The following CSTL1 variants were observed in gnomAD, a reference collection of about 807,000 sequenced individuals.
CSTL1 encodes cystatin-like 1.
In CSTL1, 14 loss-of-function variants were observed where a neutral mutation model predicts 14.4. That is an observed-to-expected ratio of 0.97 (90% CI 0.64 to 1.52). CSTL1 has a LOEUF of 1.52. Ranked by LOEUF, CSTL1 falls within the 40% of genes most tolerant of loss-of-function variation. CSTL1 has a pLI of 0.00. For missense variants in CSTL1, 170 were observed against 168.7 expected (o/e 1.01, Z -0.04); for synonymous variants, 72 against 67.5 (o/e 1.07, Z -0.33).
chr20:23,449,389 CGTGTGTATGTGTGT>C (rs577983455), downstream of CSTL1, among the ~76,000 whole-genome samples: 11 of 151,882 alleles, frequency 7.2e-5, no homozygotes, highest in Non-Finnish European at 1.5e-4. Flanking sequence ...GCTGTAATGC[CGTGTGTATGTGTGT>C]GTGTGTATGT....
chr20:23,457,721 C>T, the CSTL1 span: 1 of 152,174 alleles, frequency 6.6e-6, no homozygotes, highest in East Asian at 1.9e-4. Context: ...TCTACAGTCT[C>T]AGTTACTAAC....
chr20:23,450,522 C>G, the CSTL1 span: 1 of 1,611,790 alleles, frequency 6.2e-7, no homozygotes, highest in Non-Finnish European at 8.5e-7. Context: ...ACTGCTGCAG[C>G]TTTTGTTCAA....
At position 23,443,088 on chromosome 20, in the gene CSTL1, C is replaced by T. The variant is rs1367461050; in HGVS notation, c.220-846C>T. On this transcript the variant is annotated intron_variant, in intron 2 of 3. Transcript: ENST00000347397. ...CATGGCTCGTGTACCCACCATGCCT[C>T]CTTCCTTCATTTCTGTACACGCTAG... Among the ~76,000 whole-genome samples, 6 of 152,298 alleles carry T rather than the reference C, an allele frequency of 3.9e-5. No homozygotes were observed. In the East Asian group the frequency reaches 5.8e-4, roughly 15 times the overall value.
chr20:23,447,443 A>G (rs768698403), downstream of CSTL1, among the ~76,000 whole-genome samples: 60 of 149,944 alleles, frequency 4.0e-4, no homozygotes, highest in Non-Finnish European at 6.1e-4. Flanking sequence ...GACACATTAC[A>G]TGTACTTCTT....
chr20:23,446,659 G>C (rs1050634221), downstream of CSTL1, among the ~76,000 whole-genome samples: 1 of 152,168 alleles, frequency 6.6e-6, no homozygotes, highest in Non-Finnish European at 1.5e-5. Flanking sequence ...GCTTAAATAA[G>C]ACCTGTGTTT....
At chr20:23,447,247 T>C (rs1451147601), downstream of CSTL1, among the ~76,000 whole-genome samples, 6 of 152,252 alleles carry the variant, frequency 3.9e-5, no homozygotes, top group African/African-American at 1.4e-4. Flanking sequence ...CTTTTGTTTC[T>C]GGCTTCTTGA....
chr20:23,440,910 C>A, intron 2 of CSTL1: 1 of 275,800 alleles, frequency 3.6e-6, no homozygotes, highest in Non-Finnish European at 7.1e-6. Flanking sequence ...GTACGTACCA[C>A]CACACCTGGC....
chr20:23,440,378 CAAG>C lies in CSTL1; in HGVS notation c.117_119del (p.Lys39del), dbSNP rs1170328002. On this transcript the variant is annotated inframe_deletion, in exon 2 of 4. Coordinates refer to ENST00000347397, the MANE Select transcript of CSTL1 (RefSeq NM_138283.1). ...AGGGCTTCCAGCAGAAGCTCATGAG[CAAG>C]AAGAACATGAATTCAACACTCAACT... is the stretch of plus-strand genomic sequence containing the variant. 1.9e-6 allele frequency: 3 copies of C among 1,614,050 alleles called. No homozygotes were observed. Among genetic ancestry groups the C allele is most frequent in the Non-Finnish European group, 2.5e-6 (3 of 1,180,016 alleles).
downstream of CSTL1, among the ~76,000 whole-genome samples, chr20:23,448,982 G>A (rs1320960182): frequency 6.6e-6 from 1 of 152,202 alleles, no homozygotes; most frequent in Admixed American, 6.5e-5. Flanking sequence ...TTGGCGGAGG[G>A]AAACCCCACC....
intron 1 of CSTL1, among the ~76,000 whole-genome samples, 160 bp from the exon 2 acceptor site, chr20:23,439,984 T>C (rs1986786009): frequency 6.6e-6 from 1 of 152,146 alleles, no homozygotes; most frequent in African/African-American, 2.4e-5. Context: ...CCCTGAGACA[T>C]GTGAAGGCAG....
chr20:23,449,437 T>C (rs1987030358), downstream of CSTL1, among the ~76,000 whole-genome samples: 2 of 152,148 alleles, frequency 1.3e-5, no homozygotes, highest in Admixed American at 1.3e-4. Context: ...TGTGTGTGTT[T>C]GCTATGGTGT....
At chr20:23,451,257 G>A in the CSTL1 span, among the ~76,000 whole-genome samples, 1 of 151,674 alleles carries the variant, frequency 6.6e-6, no homozygotes, top group Non-Finnish European at 1.5e-5. Context: ...TGCCAGGTGG[G>A]ATGAAGGCCT....
intron 3 of CSTL1, 103 bp from the exon 4 acceptor site, chr20:23,444,668 G>A (rs1051007786): frequency 1.4e-6 from 1 of 718,332 alleles, no homozygotes; most frequent in South Asian, 1.6e-5. Flanking sequence ...CTCTGCCCAT[G>A]GGGTTCATGA....
rs1436067007 is a variant in CSTL1 at position 23,440,217 on chromosome 20, C to A, written c.-51C>A. 17 of 1,592,030 alleles carry A rather than the reference C, an allele frequency of 1.1e-5. No homozygotes were observed. Among genetic ancestry groups the A allele is most frequent in the Non-Finnish European group, 1.4e-5 (16 of 1,162,186 alleles). ...GAATGAGTGAACTGCAGCCTGGCACCACCACACCCTGGAAGGTGCAGTTGG... is the reference window on the plus strand; with the variant it reads ...GAATGAGTGAACTGCAGCCTGGCACAACCACACCCTGGAAGGTGCAGTTGG... On this transcript the variant is annotated 5_prime_UTR_variant, in exon 2 of 4. Coordinates refer to ENST00000347397, the MANE Select transcript of CSTL1 (RefSeq NM_138283.1).
At chr20:23,457,437 A>G in the CSTL1 span, 2 of 152,176 alleles carry the variant, frequency 1.3e-5, no homozygotes, top group African/African-American at 4.8e-5. Flanking sequence ...TCCTAATAAA[A>G]AATTCCATTT....
intron 2 of CSTL1, chr20:23,442,349 C>T (rs1986854643): frequency 6.6e-6 from 1 of 152,276 alleles, no homozygotes; most frequent in Non-Finnish European, 1.5e-5. Flanking sequence ...AAGTGACATC[C>T]AGACTCTCCA....
chr20:23,456,339 G>A, the CSTL1 span, among the ~76,000 whole-genome samples: 1 of 152,226 alleles, frequency 6.6e-6, no homozygotes, highest in African/African-American at 2.4e-5. Context: ...CTGGAGGCTT[G>A]CATTTGGGGA....
At position 23,444,047 on chromosome 20, in the gene CSTL1, G is replaced by A. The variant is rs774454976; in HGVS notation, c.330+3G>A. The A allele has an allele frequency of 1.4e-5, 23 of 1,610,260 alleles. No homozygotes were observed. The Admixed American group carries it at 3.5e-4, about 25-fold the overall frequency. On this transcript the variant is annotated splice_donor_region_variant and intron_variant, in intron 3 of 3. Transcript: ENST00000347397. The stretch of plus-strand genomic sequence containing the variant: ...TGCAAAGCAAGAAGCTGAGAAAGGT[G>A]TGTAGTGGAAGTCATCCCAAAGGGA...
chr20:23,453,246 C>G, the CSTL1 span, among the ~76,000 whole-genome samples: 198 of 152,066 alleles, frequency 1.3e-3, 1 homozygote, highest in African/African-American at 4.4e-3. Context: ...GGGCCGCCTG[C>G]ACCGGAAGCC....
Sources: gnomAD v4.1 joint callset for allele counts (sites outside exome capture counted in the v4.1 genomes callset) on GRCh38, gnomAD v4.1.1 for gene constraint, MANE v1.5 for transcripts, NCBI Gene and HGNC (gene_info 2026-07-23, HGNC 2026-07-21) for gene names.